Variants in UBA5 observed in about 807,000 individuals in gnomAD.
The protein encoded by UBA5 is ubiquitin like modifier activating enzyme 5.
Under a neutral mutation model 52.9 loss-of-function variants are expected in UBA5, and 28 were observed. That is an observed-to-expected ratio of 0.53 (90% CI 0.39 to 0.73). UBA5 has a LOEUF of 0.73. Among genes scored for constraint, UBA5 ranks in the 30% least tolerant of loss-of-function variants. UBA5 has a pLI of 0.00. For missense variants in UBA5, 388 were observed against 492.7 expected (o/e 0.79, Z 2.01); for synonymous variants, 135 against 162.1 (o/e 0.83, Z 1.27).
In UBA5 at chr3:132,665,883, T is replaced by G. The variant is rs752171911; in HGVS notation, c.207+15T>G. On this transcript the variant is annotated intron_variant, in intron 2 of 11. Coordinates refer to ENST00000356232, the MANE Select transcript of UBA5 (RefSeq NM_024818.6). ...GCGACTATGAGGTATGATAAACCCT[T>G]TCCAAGTTTTTGTAAGATTAATTCA... is the stretch of plus-strand genomic sequence containing the variant. 6.2e-7 allele frequency: 1 copy of G among 1,613,314 alleles called. No homozygotes were observed. Among genetic ancestry groups the G allele is most frequent in the Non-Finnish European group, 8.5e-7 (1 of 1,179,406 alleles).
intron 1 of UBA5, 30 bp from the exon 2 acceptor site, chr3:132,665,793 G>A (rs1284481175): frequency 1.9e-6 from 3 of 1,607,626 alleles, no homozygotes; most frequent in Non-Finnish European, 8.5e-7. Context: ...AAGACTGTAA[G>A]CTTTAAAACA....
chr3:132,671,102 A>G, intron 6 of UBA5, 53 bp downstream of exon 6: 3 of 1,468,124 alleles, frequency 2.0e-6, no homozygotes, highest in Non-Finnish European at 2.9e-6. Context: ...GTTTTCCTGT[A>G]TATTCTATCA....
At chr3:132,670,607 C>A in intron 5 of UBA5, 1 of 222,206 alleles carries the variant, frequency 4.5e-6, no homozygotes, top group Non-Finnish European at 8.6e-6. Context: ...GTCAGACCAC[C>A]ACTGAAATAA....
upstream of UBA5, chr3:132,659,429 C>T: frequency 1.2e-6 from 1 of 822,600 alleles, no homozygotes; most frequent in Non-Finnish European, 1.8e-6. Context: ...TTGGGAAGCC[C>T]CCAGCATCGA....
intron 2 of UBA5, 34 bp downstream of exon 2, chr3:132,665,902 T>C: frequency 6.2e-7 from 1 of 1,612,306 alleles, no homozygotes; most frequent in East Asian, 2.2e-5. Flanking sequence ...TTTGTAAGAT[T>C]AATTCAGTAA....
rs1938853789 is a variant in UBA5, at chr3:132,676,677, T to C, written c.*151T>C. On this transcript the variant is annotated 3_prime_UTR_variant, in exon 12 of 12. Transcript: ENST00000356232. The surrounding 1 kb of genome is among the most constrained non-coding windows in gnomAD (Gnocchi z 4.1). ...CTTTTTGAAAATCCTGTGACTTGCCTGTTTCTCCCCGCTCCAACGAAATCA... is the reference window on the plus strand; with the variant it reads ...CTTTTTGAAAATCCTGTGACTTGCCCGTTTCTCCCCGCTCCAACGAAATCA... 2 of 624,258 alleles carry C rather than the reference T, an allele frequency of 3.2e-6. No homozygotes were observed. Among genetic ancestry groups the C allele is most frequent in the Admixed American group, 5.4e-5 (2 of 37,300 alleles). 38.7% of individuals were successfully genotyped at this position (624,258 alleles called of 1,614,324 possible). A position where few individuals can be genotyped will look rare whatever the true frequency, so the allele number is the denominator to read the frequency against.
upstream of UBA5, among the ~76,000 whole-genome samples, chr3:132,656,369 T>C (rs192833582): frequency 1.8e-4 from 27 of 152,296 alleles, no homozygotes; most frequent in African/African-American, 6.5e-4. Flanking sequence ...AGGTCATAGG[T>C]CATGTGTATC....
At chr3:132,656,363 C>T (rs1443734686), upstream of UBA5, among the ~76,000 whole-genome samples, 1 of 152,140 alleles carries the variant, frequency 6.6e-6, no homozygotes, top group African/African-American at 2.4e-5. Flanking sequence ...ACTGCTAGGT[C>T]ATAGGTCATG....
chr3:132,668,792 T>A (rs745594877), intron 3 of UBA5, 26 bp from the exon 4 acceptor site: 18 of 1,454,630 alleles, frequency 1.2e-5, no homozygotes, highest in Admixed American at 2.0e-5. Flanking sequence ...ATGTTTTTCA[T>A]CAGAATACCA....
intron 5 of UBA5, chr3:132,670,598 T>C (rs1182160061): frequency 8.8e-6 from 2 of 227,646 alleles, no homozygotes; most frequent in African/African-American, 4.7e-5. Flanking sequence ...TCAGAGACTG[T>C]CAGACCACCA....
chr3:132,675,856 A>C lies in UBA5; in HGVS notation c.1064A>C (p.Lys355Thr). 6.2e-7 allele frequency: 1 copy of C among 1,611,754 alleles called. No individual in the cohort carries two copies. The highest frequency in any genetic ancestry group is 1.3e-5 in the African/African-American group (1 of 74,968). The change falls in exon 11 of 12, where the codon AAA (lysine) becomes ACA (threonine). Residue 355 changes from lysine (K) to threonine (T), a missense_variant. Transcript: ENST00000356232. ...TCTGAGGTTTCAGAAGAGGAACTGA[A>C]AAATTTTTCAGGTCCAGTTCCAGAC... ...LVSEVSEEEL[K>T]NFSGPVPDLP...
upstream of UBA5, among the ~76,000 whole-genome samples, chr3:132,656,862 T>A (rs1217347853): frequency 1.3e-5 from 2 of 150,358 alleles, no homozygotes; most frequent in Non-Finnish European, 3.0e-5. Flanking sequence ...TTTTTTTTTT[T>A]AATTTGCATT....
rs1938917323 is a variant in UBA5 at position 132,678,272 on chromosome 3, G to A, written c.*1746G>A. On this transcript the variant is annotated 3_prime_UTR_variant, in exon 12 of 12. Transcript: ENST00000356232. ...AAAAAAATCTGGTAATAGAGATGTT[G>A]CTATCCTAGAATACTCTCTTGACAG... Among the ~76,000 whole-genome samples, 2 of 152,112 alleles carry A rather than the reference G, an allele frequency of 1.3e-5. No individual in the cohort carries two copies. The highest frequency in any genetic ancestry group is 2.9e-5 in the Non-Finnish European group (2 of 68,002).
exon 1 of UBA5, chr3:132,654,598 A>G (rs540371268): frequency 2.0e-5 from 3 of 152,364 alleles, no homozygotes; most frequent in African/African-American, 7.2e-5. Context: ...ATCTCTGCCC[A>G]TGAGAACTCT....
chr3:132,665,194 G>A (rs1165663067), intron 1 of UBA5, among the ~76,000 whole-genome samples: 1 of 152,052 alleles, frequency 6.6e-6, no homozygotes, highest in Non-Finnish European at 1.5e-5. Flanking sequence ...TGTTGTTTAG[G>A]AATATGATGG....
At chr3:132,660,172 C>G, upstream of UBA5, 1 of 383,176 alleles carries the variant, frequency 2.6e-6, no homozygotes, top group East Asian at 5.2e-5. This position sits in a 1 kb window ranked among gnomAD's most constrained non-coding sequence, Gnocchi z 4.1. Flanking sequence ...TAAAAAGACC[C>G]TGTTTCTCTT....
intron 4 of UBA5, among the ~76,000 whole-genome samples, chr3:132,669,627 T>C (rs1350377239): frequency 6.6e-6 from 1 of 152,054 alleles, no homozygotes; most frequent in East Asian, 1.9e-4. Flanking sequence ...CACTTAAAAA[T>C]GAAAAAAAAT....
At position 132,676,596 on chromosome 3, in the gene UBA5, A is replaced by C; in HGVS notation, c.*70A>C. ...CCCTTGAAATTAAAAAAAAATTTTA[A>C]CTGATAAAACTTAGGGCAACATTAA... On this transcript the variant is annotated 3_prime_UTR_variant, in exon 12 of 12. Transcript: ENST00000356232. The surrounding 1 kb of genome is among the most constrained non-coding windows in gnomAD (Gnocchi z 4.1). 1.8e-6 allele frequency: 2 copies of C among 1,114,750 alleles called. No homozygotes were observed. The highest frequency in any genetic ancestry group is 2.6e-6 in the Non-Finnish European group (2 of 761,250). 69.1% of individuals were successfully genotyped at this position (1,114,750 alleles called of 1,614,324 possible). A position where few individuals can be genotyped will look rare whatever the true frequency, so the allele number is the denominator to read the frequency against.
At chr3:132,667,161 T>G (rs1418473815) in intron 3 of UBA5, 1 of 152,178 alleles carries the variant, frequency 6.6e-6, no homozygotes, top group East Asian at 1.9e-4. Flanking sequence ...AACATCAGTA[T>G]CAGCTCTCAA....
Sources: allele counts gnomAD v4.1 joint callset (sites outside exome capture counted in the v4.1 genomes callset), GRCh38; gene constraint gnomAD v4.1.1; non-coding constraint Gnocchi (gnomAD v3.1); transcripts MANE v1.5; gene names NCBI Gene and HGNC (gene_info 2026-07-23, HGNC 2026-07-21).